DPP10: variants seen among roughly 807,000 people sequenced by gnomAD.
The protein encoded by DPP10 is dipeptidyl peptidase like 10.
Under a neutral mutation model 120.9 loss-of-function variants are expected in DPP10, and 33 were observed. The ratio of observed to expected loss-of-function variants is 0.27; its 90% CI spans 0.21 to 0.37. The LOEUF is 0.37. DPP10 is among the 10% of genes least tolerant of loss of function. The pLI is 1.00. For synonymous variants in DPP10, 337 were observed against 326.1 expected (o/e 1.03, Z -0.36); for missense variants, 816 against 942.8 (o/e 0.87, Z 1.76).
intron 1 of DPP10, among the ~76,000 whole-genome samples, chr2:114,952,506 G>A (rs1032734981): frequency 6.6e-6 from 1 of 152,148 alleles, no homozygotes; most frequent in African/African-American, 2.4e-5. Flanking sequence ...TCGTCATTTA[G>A]GAAATAGCCT....
intron 3 of DPP10, among the ~76,000 whole-genome samples, chr2:115,463,849 C>T (rs1342677131): frequency 2.0e-5 from 3 of 152,138 alleles, no homozygotes; most frequent in Non-Finnish European, 2.9e-5. Flanking sequence ...AAGATCCCTG[C>T]ATTGTGATGC....
intron 3 of DPP10, among the ~76,000 whole-genome samples, chr2:115,365,243 G>C (rs1368176380): frequency 2.6e-5 from 4 of 151,932 alleles, no homozygotes; most frequent in African/African-American, 9.7e-5. Context: ...CATGACAGCG[G>C]GGCAGATGGA....
intron 1 of DPP10, among the ~76,000 whole-genome samples, chr2:115,273,427 C>G (rs539433189): frequency 5.3e-5 from 8 of 152,268 alleles, no homozygotes; most frequent in African/African-American, 1.7e-4. Context: ...AACTCCGCCT[C>G]CCGGGTTCAC....
At chr2:115,364,584 G>A (rs983605739) in intron 3 of DPP10, among the ~76,000 whole-genome samples, 1 of 149,378 alleles carries the variant, frequency 6.7e-6, no homozygotes, top group Non-Finnish European at 1.5e-5. Context: ...TGAAACATCA[G>A]TCAGTTCTTC....
chr2:115,789,656 CTG>C (rs932018962), intron 17 of DPP10, among the ~76,000 whole-genome samples: 19 of 152,238 alleles, frequency 1.2e-4, no homozygotes, highest in African/African-American at 4.1e-4. Flanking sequence ...TGCAGTAAAA[CTG>C]TGTTTATCTG....
At chr2:115,286,024 A>G (rs2060348814) in intron 1 of DPP10, among the ~76,000 whole-genome samples, 1 of 151,418 alleles carries the variant, frequency 6.6e-6, no homozygotes, top group Non-Finnish European at 1.5e-5. Flanking sequence ...TCTAATAAAT[A>G]AAGTGTTCAG....
chr2:115,665,520 T>C (rs1399011084), intron 5 of DPP10, among the ~76,000 whole-genome samples: 1 of 152,196 alleles, frequency 6.6e-6, no homozygotes, highest in Non-Finnish European at 1.5e-5. Flanking sequence ...TTGAATCTTA[T>C]TGCAACATAC....
chr2:114,809,585 G>A (rs1685014029), intron 1 of DPP10, among the ~76,000 whole-genome samples: 1 of 152,150 alleles, frequency 6.6e-6, no homozygotes, highest in Non-Finnish European at 1.5e-5. Context: ...TCGTGTGAAA[G>A]GGTCAGTTAA....
At chr2:115,023,653 C>A (rs1316443298) in intron 1 of DPP10, among the ~76,000 whole-genome samples, 1 of 151,814 alleles carries the variant, frequency 6.6e-6, no homozygotes, top group African/African-American at 2.4e-5. Flanking sequence ...GGTATCTACA[C>A]AGAGGAAAAA....
At chr2:115,398,864 T>G (rs1305128576) in intron 3 of DPP10, among the ~76,000 whole-genome samples, 2 of 152,150 alleles carry the variant, frequency 1.3e-5, no homozygotes, top group Admixed American at 6.6e-5. Context: ...TCATCTGAAA[T>G]AGGGATGTTT....
chr2:115,333,103 G>T (rs897863431), intron 2 of DPP10, among the ~76,000 whole-genome samples: 29 of 152,194 alleles, frequency 1.9e-4, no homozygotes, highest in Middle Eastern at 3.4e-3. Context: ...GAATCTGGGT[G>T]CTCGTGTATT....
chr2:114,802,445 A>T (rs985935869), intron 1 of DPP10, among the ~76,000 whole-genome samples: 7 of 152,220 alleles, frequency 4.6e-5, no homozygotes, highest in Admixed American at 3.9e-4. Context: ...TATTAAAAAT[A>T]AAACCTATAA....
chr2:115,565,355 CAACT>C (rs1322111981), intron 5 of DPP10, among the ~76,000 whole-genome samples: 1 of 151,996 alleles, frequency 6.6e-6, no homozygotes, highest in Non-Finnish European at 1.5e-5. Context: ...TTTTCTGAAC[CAACT>C]GAGAATAAGT....
At chr2:115,659,474 T>C (rs1575460178) in intron 5 of DPP10, among the ~76,000 whole-genome samples, 1 of 152,122 alleles carries the variant, frequency 6.6e-6, no homozygotes, top group South Asian at 2.1e-4. Flanking sequence ...AACCTTAATA[T>C]ATATGTGTAA....
intron 5 of DPP10, among the ~76,000 whole-genome samples, chr2:115,528,221 A>G (rs1325618350): frequency 6.7e-6 from 1 of 148,758 alleles, no homozygotes; most frequent in African/African-American, 2.4e-5. Context: ...GGGGTGGGGG[A>G]GTGGGGAGGG....
intron 1 of DPP10, among the ~76,000 whole-genome samples, chr2:114,741,201 A>T (rs1678027453): frequency 6.6e-6 from 1 of 152,316 alleles, no homozygotes; most frequent in African/African-American, 2.4e-5. Context: ...TCTGTCTACC[A>T]AAGCTACTTA....
At chr2:114,572,149 G>A (rs1689707981) in intron 1 of DPP10, among the ~76,000 whole-genome samples, 1 of 151,716 alleles carries the variant, frequency 6.6e-6, no homozygotes, top group Non-Finnish European at 1.5e-5. Context: ...CATCATGAAA[G>A]GGCAGGGATC....
intron 1 of DPP10, among the ~76,000 whole-genome samples, chr2:115,027,697 C>T (rs10168678): frequency 6.6e-6 from 1 of 152,104 alleles, no homozygotes; most frequent in African/African-American, 2.4e-5. Context: ...AAGACTTTGA[C>T]TAGAATTGGT....
At chr2:115,729,659 G>A (rs1224484747) in intron 8 of DPP10, among the ~76,000 whole-genome samples, 1 of 152,130 alleles carries the variant, frequency 6.6e-6, no homozygotes, top group Admixed American at 6.5e-5. Flanking sequence ...GTTCCCAGCT[G>A]AAGTGAGAGG....
Sources: gnomAD v4.1 joint callset for allele counts (sites outside exome capture counted in the v4.1 genomes callset) on GRCh38, gnomAD v4.1.1 for gene constraint, MANE v1.5 for transcripts, NCBI Gene and HGNC (gene_info 2026-07-23, HGNC 2026-07-21) for gene names.